The following VAT1L variants were observed in gnomAD, a reference collection of about 807,000 sequenced individuals.
VAT1L encodes the protein vesicle amine transport 1 like.
A neutral mutation model predicts 44.1 loss-of-function variants in VAT1L; 34 were observed. The observed-to-expected ratio is 0.77, with a 90% CI of 0.59 to 1.03. The LOEUF is 1.03. Ranked by LOEUF, VAT1L falls within the 50% of genes least tolerant of loss-of-function variation. The pLI, the probability that VAT1L is intolerant of heterozygous loss-of-function variation, is 0.00. For synonymous variants in VAT1L, 253 were observed against 202.2 expected, an observed-to-expected ratio of 1.25 and a Z score of -2.13; for missense variants, 615 against 538.8, an observed-to-expected ratio of 1.14 and a Z score of -1.40.
intron 7 of VAT1L, among the ~76,000 whole-genome samples, chr16:77,971,514 C>A (rs1203803089): frequency 6.6e-6 from 1 of 152,144 alleles, no homozygotes; most frequent in Non-Finnish European, 1.5e-5. Context: ...TGGTCAAAAT[C>A]TAATCTGACT....
At chr16:77,892,657 T>C in intron 7 of VAT1L, 1 of 711,148 alleles carries the variant, frequency 1.4e-6, no homozygotes, top group Non-Finnish European at 2.6e-6. Flanking sequence ...ACTCCATCTA[T>C]GGAGAGAAAT....
At chr16:77,967,601 G>A (rs1288285604) in intron 7 of VAT1L, among the ~76,000 whole-genome samples, 2 of 152,146 alleles carry the variant, frequency 1.3e-5, no homozygotes, top group East Asian at 1.9e-4. Context: ...GGGACTTCAA[G>A]GAGTCAGTTC....
At chr16:77,976,091 T>C (rs1335897523) in intron 8 of VAT1L, among the ~76,000 whole-genome samples, 2 of 152,230 alleles carry the variant, frequency 1.3e-5, no homozygotes, top group African/African-American at 4.8e-5. Context: ...AGGAACAGCT[T>C]AGCTGGTTAG....
chr16:77,904,798 T>G (rs1264047349), intron 7 of VAT1L, among the ~76,000 whole-genome samples: 2 of 152,170 alleles, frequency 1.3e-5, no homozygotes, highest in Non-Finnish European at 2.9e-5. Context: ...ACATATGGAT[T>G]CCTTCCTTAA....
intron 7 of VAT1L, among the ~76,000 whole-genome samples, chr16:77,943,643 C>G (rs1049628102): frequency 6.6e-6 from 1 of 151,378 alleles, no homozygotes; most frequent in Admixed American, 6.6e-5. Flanking sequence ...ACCTCATGAT[C>G]CGCCTGTCTC....
At chr16:77,930,262 G>A (rs186174144) in intron 7 of VAT1L, among the ~76,000 whole-genome samples, 3 of 152,250 alleles carry the variant, frequency 2.0e-5, no homozygotes, top group African/African-American at 7.2e-5. Flanking sequence ...TGTCTTTCCT[G>A]GTCATGCATG....
At chr16:77,965,369 C>G (rs1396122393) in intron 7 of VAT1L, among the ~76,000 whole-genome samples, 1 of 152,186 alleles carries the variant, frequency 6.6e-6, no homozygotes, top group Admixed American at 6.5e-5. Flanking sequence ...CTGGAATGTT[C>G]CCACTGCCTC....
chr16:77,905,702 G>A (rs1427246160), intron 7 of VAT1L, among the ~76,000 whole-genome samples: 2 of 152,034 alleles, frequency 1.3e-5, no homozygotes, highest in East Asian at 1.9e-4. Context: ...AGCATCATAC[G>A]TTATTTGCTT....
intron 1 of VAT1L, among the ~76,000 whole-genome samples, chr16:77,799,573 A>G (rs1160155926): frequency 6.8e-6 from 1 of 146,894 alleles, no homozygotes; most frequent in Non-Finnish European, 1.5e-5. Context: ...TATTGGGGGA[A>G]AAGGAGAGGG....
chr16:77,880,807 T>C (rs964811493), intron 6 of VAT1L, among the ~76,000 whole-genome samples: 3 of 151,986 alleles, frequency 2.0e-5, no homozygotes, highest in Non-Finnish European at 4.4e-5. Flanking sequence ...CATATTTATG[T>C]CCATGAGTAC....
chr16:77,904,623 AAC>A (rs1438091445), intron 7 of VAT1L, among the ~76,000 whole-genome samples: 4 of 152,204 alleles, frequency 2.6e-5, no homozygotes, highest in Non-Finnish European at 5.9e-5. Context: ...CAAATACTCT[AAC>A]CATTGCATTG....
intron 4 of VAT1L, among the ~76,000 whole-genome samples, chr16:77,868,557 G>T (rs2016999102): frequency 6.6e-6 from 1 of 152,204 alleles, no homozygotes. Context: ...GGCAAGCCTA[G>T]TTAAGTAAAT....
chr16:77,902,092 A>G (rs1008761790), intron 7 of VAT1L, among the ~76,000 whole-genome samples: 5 of 152,236 alleles, frequency 3.3e-5, no homozygotes, highest in Non-Finnish European at 5.9e-5. Context: ...CATTTTAAAA[A>G]TCTAAACTTT....
intron 3 of VAT1L, among the ~76,000 whole-genome samples, chr16:77,841,516 G>A (rs1169668774): frequency 2.6e-5 from 4 of 152,130 alleles, no homozygotes; most frequent in Admixed American, 6.5e-5. Flanking sequence ...GGTAGTCATG[G>A]GACACTGGAA....
intron 3 of VAT1L, among the ~76,000 whole-genome samples, chr16:77,836,337 A>T (rs1156446108): frequency 1.3e-5 from 2 of 152,084 alleles, no homozygotes; most frequent in Non-Finnish European, 2.9e-5. Flanking sequence ...CACTATGGCC[A>T]GATACCTGGT....
Position 77,788,625 on chromosome 16 carries a change from C to T in VAT1L, c.-58C>T, listed in dbSNP as rs2145197706. On this transcript the variant is annotated 5_prime_UTR_variant, in exon 1 of 9. Transcript: ENST00000302536. ...ACCCGCGGGAGAGGAGCCCCACTCC[C>T]CCAGCGCCGCAGCCACCGCAGCCAC... is the stretch of plus-strand genomic sequence containing the variant. 1 of 1,534,126 alleles carries T rather than the reference C, an allele frequency of 6.5e-7. No homozygotes were observed. The highest frequency in any genetic ancestry group is 1.2e-5 in the South Asian group (1 of 83,224).
chr16:77,874,279 A>G (rs1338038149), intron 4 of VAT1L, among the ~76,000 whole-genome samples: 1 of 152,108 alleles, frequency 6.6e-6, no homozygotes, highest in Admixed American at 6.6e-5. Context: ...GTGGGCTGGT[A>G]AAAGCAGACC....
chr16:77,926,662 A>G (rs1184209149), intron 7 of VAT1L, among the ~76,000 whole-genome samples: 1 of 152,110 alleles, frequency 6.6e-6, no homozygotes, highest in African/African-American at 2.4e-5. Flanking sequence ...GGTTTTCTAA[A>G]GAGTATTTCA....
intron 7 of VAT1L, among the ~76,000 whole-genome samples, chr16:77,887,952 C>G (rs970495626): frequency 6.6e-5 from 10 of 152,284 alleles, no homozygotes; most frequent in African/African-American, 2.2e-4. Flanking sequence ...ATCCATTACC[C>G]TCACCTCCTC....
Sources: allele counts gnomAD v4.1 joint callset (sites outside exome capture counted in the v4.1 genomes callset), GRCh38; gene constraint gnomAD v4.1.1; transcripts MANE v1.5; gene names NCBI Gene and HGNC (gene_info 2026-07-23, HGNC 2026-07-21).